The following TMEM135 variants were observed in gnomAD, a reference collection of about 807,000 sequenced individuals.
TMEM135 encodes the protein peroxisomal membrane protein 52.
TMEM135 carries 30 observed loss-of-function variants against 60.3 expected under a neutral mutation model. That is an observed-to-expected ratio of 0.50 (90% confidence interval 0.37 to 0.68). TMEM135 has a LOEUF of 0.68. TMEM135 is among the 30% of genes least tolerant of loss of function. The pLI is 0.00. For synonymous variants in TMEM135, 190 were observed against 186.7 expected, an observed-to-expected ratio of 1.02 and a Z score of -0.14; for missense variants, 468 against 548.8, an observed-to-expected ratio of 0.85 and a Z score of 1.47.
chr11:87,107,417 C>A (rs921050545), intron 4 of TMEM135, among the ~76,000 whole-genome samples: 1 of 141,660 alleles, frequency 7.1e-6, no homozygotes. Context: ...ATCCCCCCTC[C>A]CCCCACCCCA....
intron 5 of TMEM135, among the ~76,000 whole-genome samples, chr11:87,220,140 C>T (rs1452493391): frequency 6.6e-6 from 1 of 152,072 alleles, no homozygotes; most frequent in African/African-American, 2.4e-5. Flanking sequence ...TAATTTGGCT[C>T]CTAACTTGAT....
intron 6 of TMEM135, among the ~76,000 whole-genome samples, chr11:87,276,954 G>A (rs1565153065): frequency 6.6e-6 from 1 of 151,854 alleles, no homozygotes. Flanking sequence ...TTACAGGCGT[G>A]AGCCACTTTA....
intron 5 of TMEM135, among the ~76,000 whole-genome samples, chr11:87,195,386 C>T (rs879304304): frequency 0.043 from 2,500 of 58,744 alleles, 215 homozygotes; most frequent in Middle Eastern, 0.13. Flanking sequence ...TCCTTCCTTC[C>T]TTCCTTCTCT....
intron 5 of TMEM135, among the ~76,000 whole-genome samples, chr11:87,183,207 A>G (rs900351043): frequency 2.1e-5 from 3 of 142,078 alleles, no homozygotes; most frequent in South Asian, 2.2e-4. Context: ...CAGTGGCTCA[A>G]TCTTGGCTCA....
intron 13 of TMEM135, among the ~76,000 whole-genome samples, chr11:87,318,725 T>C (rs1244926648): frequency 2.6e-5 from 4 of 152,122 alleles, no homozygotes; most frequent in African/African-American, 7.2e-5. Context: ...TGTTGTAAAA[T>C]TTTTGGGAAA....
intron 1 of TMEM135, among the ~76,000 whole-genome samples, chr11:87,057,817 T>TGTGTGTGTGTGTGTG (rs34314691): frequency 5.4e-5 from 8 of 149,376 alleles, no homozygotes; most frequent in African/African-American, 1.7e-4. Flanking sequence ...GTGTGTGTGT[T>TGTGTGTGTGTGTGTG]TGTGTGTGTG....
At position 87,055,193 on chromosome 11, in the gene TMEM135, A is replaced by C. The variant is rs1404086941; in HGVS notation, c.142-12501A>C. Among the ~76,000 whole-genome samples the C allele has an allele frequency of 5.9e-5, 9 of 152,328 alleles. No homozygotes were observed. In the East Asian group the frequency reaches 1.7e-3, roughly 29 times the overall value. On this transcript the variant is annotated intron_variant, in intron 1 of 14. Transcript: ENST00000305494. ...AAGGAAGTGACATGGTGATTATATG[A>C]ATATATATGAAATGCACATATATTA...
intron 4 of TMEM135, among the ~76,000 whole-genome samples, chr11:87,141,731 C>T (rs1194346919): frequency 6.6e-6 from 1 of 152,102 alleles, no homozygotes; most frequent in East Asian, 1.9e-4. Context: ...AGTTTCATTC[C>T]ATAGCAGTGT....
chr11:87,083,054 CT>C (rs1351458611), intron 3 of TMEM135, among the ~76,000 whole-genome samples: 1 of 152,170 alleles, frequency 6.6e-6, no homozygotes, highest in Non-Finnish European at 1.5e-5. Context: ...CTTTCTTCCT[CT>C]TTTTTCCTTC....
chr11:87,272,374 A>G (rs934789007), intron 6 of TMEM135, among the ~76,000 whole-genome samples: 5 of 151,916 alleles, frequency 3.3e-5, no homozygotes, highest in African/African-American at 9.7e-5. Flanking sequence ...TTATATTTCT[A>G]TTGGATGACT....
intron 1 of TMEM135, among the ~76,000 whole-genome samples, chr11:87,041,404 A>T (rs1354478498): frequency 6.6e-6 from 1 of 152,016 alleles, no homozygotes; most frequent in Admixed American, 6.6e-5. Context: ...ATGCTTTCAG[A>T]TGCTAAATCT....
At chr11:87,056,926 C>T (rs1329029450) in intron 1 of TMEM135, among the ~76,000 whole-genome samples, 2 of 152,138 alleles carry the variant, frequency 1.3e-5, no homozygotes, top group African/African-American at 2.4e-5. Flanking sequence ...TAAAGTATTT[C>T]ACATTAGAGT....
At position 87,324,321 on chromosome 11, in the gene TMEM135, T is replaced by G; in HGVS notation, c.*2988T>G. 2 of 454,088 alleles carry G rather than the reference T, an allele frequency of 4.4e-6. No individual in the cohort carries two copies. The highest frequency in any genetic ancestry group is 8.8e-6 in the Non-Finnish European group (2 of 226,782). 28.1% of individuals were successfully genotyped at this position (454,088 alleles called of 1,614,324 possible). On this transcript the variant is annotated 3_prime_UTR_variant, in exon 15 of 15. Transcript: ENST00000305494. ...CCCTTGGTGCTAATTAGGAAGCTTC[T>G]TGTGGGACTGAAGGGAACTGACCAC...
chr11:87,214,195 A>G lies in TMEM135; in HGVS notation c.463-22443A>G, dbSNP rs566170447. On this transcript the variant is annotated intron_variant, in intron 5 of 14. Coordinates refer to ENST00000305494, the MANE Select transcript of TMEM135 (RefSeq NM_022918.4). ...CACAAAAGGATGAGATCCCTGTTCT[A>G]AAAAATAATAATAAAAATAAGAAGA... is the stretch of plus-strand genomic sequence containing the variant. Among the ~76,000 whole-genome samples, 74 of 152,266 alleles carry G rather than the reference A, an allele frequency of 4.9e-4. No individual in the cohort carries two copies. In the Middle Eastern group the frequency reaches 0.014, roughly 28 times the overall value.
rs182043402 is a variant in TMEM135 at position 87,272,244 on chromosome 11, C to T, written c.510-23538C>T. 1.7e-4 allele frequency among the ~76,000 whole-genome samples: 26 copies of T among 151,410 alleles called. No homozygotes were observed. In the East Asian group the frequency reaches 4.5e-3, roughly 26 times the overall value. On this transcript the variant is annotated intron_variant, in intron 6 of 14. Transcript: ENST00000305494. ...GATTTTCTTGTATTTTTAGTAGAGA[C>T]GGGGTTTCACCAGGTTGGTCAGACT...
intron 3 of TMEM135, among the ~76,000 whole-genome samples, chr11:87,088,309 G>A (rs1359052418): frequency 2.6e-5 from 4 of 152,008 alleles, no homozygotes; most frequent in Admixed American, 6.5e-5. Context: ...TCAAAGCCTT[G>A]GTAAAACAAC....
At chr11:87,123,159 A>T (rs974473810) in intron 4 of TMEM135, among the ~76,000 whole-genome samples, 1 of 152,220 alleles carries the variant, frequency 6.6e-6, no homozygotes, top group African/African-American at 2.4e-5. Flanking sequence ...TTAGTCTTCT[A>T]GGGCTGCTGT....
chr11:87,258,541 C>T (rs919163061), intron 6 of TMEM135, among the ~76,000 whole-genome samples: 4 of 152,118 alleles, frequency 2.6e-5, no homozygotes, highest in African/African-American at 9.7e-5. Flanking sequence ...CAGTTCCTAC[C>T]CCACAGGAGA....
In TMEM135 at chr11:87,324,216, G is replaced by A. The variant is rs1350977239; in HGVS notation, c.*2883G>A. The A allele has an allele frequency of 4.0e-5, 18 of 453,976 alleles. No homozygotes were observed. The highest frequency in any genetic ancestry group is 7.5e-5 in the Non-Finnish European group (17 of 226,748). The allele number at this position is 453,976 out of a possible 1,614,324, so 28.1% of individuals were successfully genotyped here. On this transcript the variant is annotated 3_prime_UTR_variant, in exon 15 of 15. Coordinates refer to ENST00000305494, the MANE Select transcript of TMEM135 (RefSeq NM_022918.4). Reference sequence around the variant, plus strand: ...TTATCATATCCCTGAGCTTCTGTGTGCTCTACATTTCATAGGTAATGAAAA... The same window carrying A: ...TTATCATATCCCTGAGCTTCTGTGTACTCTACATTTCATAGGTAATGAAAA...
Sources: allele counts gnomAD v4.1 joint callset (sites outside exome capture counted in the v4.1 genomes callset), GRCh38; gene constraint gnomAD v4.1.1; transcripts MANE v1.5; gene names NCBI Gene and HGNC (gene_info 2026-07-23, HGNC 2026-07-21).